Variants in TRIP12 observed in about 807,000 individuals in gnomAD.
The protein encoded by TRIP12 is thyroid hormone receptor interactor 12.
In TRIP12, 25 loss-of-function variants were observed where a neutral mutation model predicts 244.2. The ratio of observed to expected loss-of-function variants is 0.10; its 90% CI spans 0.07 to 0.14. The LOEUF (loss-of-function observed/expected upper bound fraction) is 0.14, where lower values mean the gene tolerates loss of function less well. Among genes scored for constraint, TRIP12 ranks in the 10% least tolerant of loss-of-function variants. The probability of loss-of-function intolerance (pLI) is 1.00; values close to 1 mark genes in which losing one functional copy is unlikely to be tolerated. For missense variants in TRIP12, 1,677 were observed against 2,486.4 expected (o/e 0.67, Z 6.92); for synonymous variants, 905 against 873.1 (o/e 1.04, Z -0.64).
chr2:229,778,365 G>A lies in TRIP12; in HGVS notation c.5364+68C>T. ...CTCTAAACTATAGCAGTAAACTACA[G>A]GGGACTGAGGTACTTGCACAGAACA... On this transcript the variant is annotated intron_variant, in intron 36 of 41. Coordinates refer to ENST00000675903, the MANE Select transcript of TRIP12 (RefSeq NM_001348323.3). This position sits in a 1 kb window ranked among gnomAD's most constrained non-coding sequence, Gnocchi z 4.1. The A allele has an allele frequency of 6.4e-7, 1 of 1,571,592 alleles. No individual in the cohort carries two copies. The highest frequency in any genetic ancestry group is 8.7e-7 in the Non-Finnish European group (1 of 1,148,716).
chr2:229,921,723 CGCCGGGAGCAG>C (rs1301603925), intron 1 of TRIP12, 146 bp downstream of exon 1: 2 of 152,020 alleles, frequency 1.3e-5, no homozygotes, highest in African/African-American at 2.4e-5. Flanking sequence ...CCGCCGCCGG[CGCCGGGAGCAG>C]GCCAAGCGGG....
intron 1 of TRIP12, among the ~76,000 whole-genome samples, chr2:229,887,759 G>A (rs796128329): frequency 6.6e-6 from 1 of 152,144 alleles, no homozygotes; most frequent in Non-Finnish European, 1.5e-5. Context: ...CAATGTCCTA[G>A]GAAATGCTAC....
chr2:229,921,703 C>G (rs1369315084), intron 1 of TRIP12, 177 bp downstream of exon 1: 1 of 152,118 alleles, frequency 6.6e-6, no homozygotes, highest in African/African-American at 2.4e-5. Context: ...CCGGTCCTTC[C>G]GCGGCCCCGC....
Position 229,879,999 on chromosome 2 carries a change from G to A in TRIP12, c.81C>T (p.Asp27=). Residue 27 remains aspartate, a synonymous_variant, in exon 2 of 42, where the codon GAC becomes GAT. Coordinates refer to ENST00000675903, the MANE Select transcript of TRIP12 (RefSeq NM_001348323.3). ...ATACATACCTTCCTCCTATTGAGTCGTCTTGTGGTTGGGCCCCGGCAGTGT... is the reference window on the plus strand; with the variant it reads ...ATACATACCTTCCTCCTATTGAGTCATCTTGTGGTTGGGCCCCGGCAGTGT... The part of the protein sequence containing the change: ...QRNTAGAQPQ[D]DSIGGRSHLG... The A allele has an allele frequency of 1.2e-6, 2 of 1,613,904 alleles. No homozygotes were observed. Among genetic ancestry groups the A allele is most frequent in the Non-Finnish European group, 1.7e-6 (2 of 1,179,980 alleles).
chr2:229,851,651 C>T (rs1302087249), intron 4 of TRIP12, among the ~76,000 whole-genome samples: 2 of 152,102 alleles, frequency 1.3e-5, no homozygotes, highest in Admixed American at 1.3e-4. Context: ...CTATAACACT[C>T]ACCGCGAAGA....
intron 34 of TRIP12, among the ~76,000 whole-genome samples, chr2:229,780,551 G>A (rs1441731083): frequency 6.6e-6 from 1 of 152,036 alleles, no homozygotes; most frequent in Non-Finnish European, 1.5e-5. Context: ...TGACCCCTCT[G>A]CCCACCCTGC....
intron 1 of TRIP12, among the ~76,000 whole-genome samples, chr2:229,885,632 T>C (rs944219303): frequency 6.6e-6 from 1 of 152,208 alleles, no homozygotes; most frequent in Non-Finnish European, 1.5e-5. Flanking sequence ...CACCCTTGTG[T>C]ATAAAAGAAG....
At chr2:229,830,875 G>C in intron 6 of TRIP12, 36 bp from the exon 7 acceptor site, 2 of 1,596,720 alleles carry the variant, frequency 1.3e-6, no homozygotes, top group Non-Finnish European at 1.7e-6. Flanking sequence ...GTTAGGAGGA[G>C]CACTTAAACA....
At chr2:229,779,265 T>C (rs574427098) in intron 34 of TRIP12, among the ~76,000 whole-genome samples, 20 of 152,302 alleles carry the variant, frequency 1.3e-4, no homozygotes, top group Admixed American at 1.2e-3. Flanking sequence ...CTACATATCT[T>C]TCCTTCAGGA....
intron 9 of TRIP12, among the ~76,000 whole-genome samples, 172 bp downstream of exon 9, chr2:229,818,192 C>T (rs2048985725): frequency 6.6e-6 from 1 of 152,182 alleles, no homozygotes. Flanking sequence ...AACTCATTAG[C>T]AATTGCTCAC....
intron 4 of TRIP12, among the ~76,000 whole-genome samples, chr2:229,843,412 C>T (rs778294837): frequency 1.3e-5 from 2 of 152,248 alleles, no homozygotes; most frequent in Admixed American, 6.5e-5. Flanking sequence ...CCAATACAGA[C>T]GTATCTATAA....
intron 25 of TRIP12, among the ~76,000 whole-genome samples, chr2:229,796,253 G>T (rs1244254428): frequency 6.6e-6 from 1 of 152,140 alleles, no homozygotes; most frequent in African/African-American, 2.4e-5. Flanking sequence ...TTCACTAAAA[G>T]GAACTAATAC....
intron 2 of TRIP12, among the ~76,000 whole-genome samples, chr2:229,863,760 T>C (rs2060865414): frequency 6.6e-6 from 1 of 152,176 alleles, no homozygotes; most frequent in South Asian, 2.1e-4. Flanking sequence ...AACATCACAG[T>C]ATTCAGAGGT....
intron 13 of TRIP12, among the ~76,000 whole-genome samples, chr2:229,813,650 G>A (rs573761501): frequency 6.6e-6 from 1 of 152,006 alleles, no homozygotes; most frequent in East Asian, 1.9e-4. Flanking sequence ...TGGGTGTGGT[G>A]GCACACGCCT....
chr2:229,877,010 A>T (rs2063721708), intron 2 of TRIP12, among the ~76,000 whole-genome samples: 1 of 151,872 alleles, frequency 6.6e-6, no homozygotes, highest in Non-Finnish European at 1.5e-5. Context: ...TCATTTTTTT[A>T]AAATACATGA....
intron 2 of TRIP12, among the ~76,000 whole-genome samples, chr2:229,864,566 CTTT>C (rs879933835): frequency 7.0e-6 from 1 of 143,224 alleles, no homozygotes. Flanking sequence ...AGATTTTCAA[CTTT>C]TTTTTTTTTT....
chr2:229,884,140 T>C (rs2065460999), intron 1 of TRIP12, among the ~76,000 whole-genome samples: 1 of 152,044 alleles, frequency 6.6e-6, no homozygotes, highest in African/African-American at 2.4e-5. Context: ...ATGTTGTTGT[T>C]TTATATTTAC....
intron 6 of TRIP12, among the ~76,000 whole-genome samples, chr2:229,835,620 T>C (rs986929122): frequency 1.3e-5 from 2 of 152,200 alleles, no homozygotes; most frequent in African/African-American, 4.8e-5. Flanking sequence ...GTTTGGAATA[T>C]TAAATAAGAA....
chr2:229,899,767 A>G (rs776369232), intron 1 of TRIP12, among the ~76,000 whole-genome samples: 12 of 152,198 alleles, frequency 7.9e-5, no homozygotes, highest in Non-Finnish European at 1.3e-4. Flanking sequence ...ATGGGAGGCA[A>G]AAAGGGAGTT....
Sources: allele counts gnomAD v4.1 joint callset (sites outside exome capture counted in the v4.1 genomes callset), GRCh38; gene constraint gnomAD v4.1.1; non-coding constraint Gnocchi (gnomAD v3.1); transcripts MANE v1.5; gene names NCBI Gene and HGNC (gene_info 2026-07-23, HGNC 2026-07-21).